PAG1: variants seen among roughly 807,000 people sequenced by gnomAD.
The protein encoded by PAG1 is phosphoprotein membrane anchor with glycosphingolipid microdomains 1, also known as phosphoprotein associated with glycosphingolipid-enriched microdomains 1.
A neutral mutation model predicts 31.7 loss-of-function variants in PAG1; 23 were observed. The ratio of observed to expected loss-of-function variants is 0.73; its 90% CI spans 0.52 to 1.03. The LOEUF is 1.03. PAG1 is among the 50% of genes least tolerant of loss of function. The pLI, the probability that PAG1 is intolerant of heterozygous loss-of-function variation, is 0.00. For missense variants in PAG1, 473 were observed against 540.7 expected (o/e 0.87, Z 1.24); for synonymous variants, 214 against 210.3 (o/e 1.02, Z -0.15).
intron 1 of PAG1, among the ~76,000 whole-genome samples, chr8:81,076,347 C>T (rs1809177313): frequency 6.6e-6 from 1 of 152,162 alleles, no homozygotes; most frequent in Non-Finnish European, 1.5e-5. Context: ...AGCTCTGCCT[C>T]CTTTGCTTCC....
chr8:81,026,957 G>GT (rs1434062980), intron 3 of PAG1, among the ~76,000 whole-genome samples: 1 of 152,144 alleles, frequency 6.6e-6, no homozygotes, highest in Non-Finnish European at 1.5e-5. Context: ...AGCCTTGGTG[G>GT]TTTTTTCTTG....
intron 1 of PAG1, among the ~76,000 whole-genome samples, chr8:81,074,007 C>T (rs1009462409): frequency 1.3e-5 from 2 of 152,192 alleles, no homozygotes; most frequent in Non-Finnish European, 2.9e-5. Flanking sequence ...TGCTTCCACA[C>T]CCACTGAGGG....
chr8:81,038,853 A>C (rs1014633476), intron 2 of PAG1, among the ~76,000 whole-genome samples: 4 of 152,214 alleles, frequency 2.6e-5, no homozygotes, highest in Admixed American at 1.3e-4. Context: ...AAGGAAAGTA[A>C]CTACTAAATG....
At chr8:81,037,606 A>G (rs894638260) in intron 2 of PAG1, among the ~76,000 whole-genome samples, 1 of 152,378 alleles carries the variant, frequency 6.6e-6, no homozygotes, top group South Asian at 2.1e-4. Flanking sequence ...ACAAAGTAAG[A>G]TTAGATTCAG....
chr8:81,005,517 C>A (rs542142933), intron 3 of PAG1, among the ~76,000 whole-genome samples: 11 of 152,266 alleles, frequency 7.2e-5, no homozygotes, highest in African/African-American at 2.4e-4. Context: ...GGTTCTTGTT[C>A]ATTTCAAAGG....
chr8:81,048,929 T>A (rs1808684030), intron 2 of PAG1, among the ~76,000 whole-genome samples: 1 of 152,190 alleles, frequency 6.6e-6, no homozygotes, highest in African/African-American at 2.4e-5. Flanking sequence ...CATCATCAAT[T>A]AAGGACATAC....
rs1009083498 is a variant in PAG1, at chr8:81,094,874, T to C, written c.-234+16717A>G. Among the ~76,000 whole-genome samples the C allele has an allele frequency of 2.9e-4, 44 of 152,218 alleles. 2 individuals are homozygous for C. Among genetic ancestry groups the C allele is most frequent in the African/African-American group, 1.0e-3 (43 of 41,452 alleles). On this transcript the variant is annotated intron_variant, in intron 1 of 8. Coordinates refer to ENST00000220597, the MANE Select transcript of PAG1 (RefSeq NM_018440.4). ...TCTCTATGAAAAGAAGCACATTGCT[T>C]TGCCAGCCATAACATGCACCAGCTG...
chr8:81,062,527 C>A (rs1412435205), intron 2 of PAG1, among the ~76,000 whole-genome samples: 3 of 152,178 alleles, frequency 2.0e-5, no homozygotes, highest in African/African-American at 7.2e-5. Flanking sequence ...CCAGCTATCC[C>A]ATTATCAGAT....
intron 1 of PAG1, among the ~76,000 whole-genome samples, chr8:81,111,295 AAC>A (rs1396413762): frequency 6.6e-6 from 1 of 152,138 alleles, no homozygotes; most frequent in Non-Finnish European, 1.5e-5. Context: ...CCCCAACGTA[AAC>A]ACAGAGTCAA....
chr8:80,991,560 CA>C, intron 4 of PAG1, 30 bp from the exon 5 acceptor site: 1 of 1,545,680 alleles, frequency 6.5e-7, no homozygotes, highest in Non-Finnish European at 8.9e-7. Flanking sequence ...GTTGTAATGT[CA>C]AATGTGCCCC....
intron 2 of PAG1, among the ~76,000 whole-genome samples, chr8:81,057,756 T>C (rs1016068926): frequency 6.6e-6 from 1 of 152,188 alleles, no homozygotes; most frequent in Non-Finnish European, 1.5e-5. Flanking sequence ...TTATTAAATT[T>C]TTGAGAAATG....
chr8:80,975,984 G>A lies in PAG1; in HGVS notation c.*560C>T, dbSNP rs1807170250. 1 of 152,816 alleles carries A rather than the reference G, an allele frequency of 6.5e-6. No homozygotes were observed. The highest frequency in any genetic ancestry group is 1.5e-5 in the Non-Finnish European group (1 of 68,614). The allele number at this position is 152,816 out of a possible 1,614,324, so 9.5% of individuals were successfully genotyped here. A position where few individuals can be genotyped will look rare whatever the true frequency, so the allele number is the denominator to read the frequency against. On this transcript the variant is annotated 3_prime_UTR_variant, in exon 9 of 9. Coordinates refer to ENST00000220597, the MANE Select transcript of PAG1 (RefSeq NM_018440.4). ...CTCTTTGGGGAGGACTGGCGAGCTGGGCAGAAAGCAGCAGCCATGGTTTGT... is the reference window on the plus strand; with the variant it reads ...CTCTTTGGGGAGGACTGGCGAGCTGAGCAGAAAGCAGCAGCCATGGTTTGT...
intron 2 of PAG1, among the ~76,000 whole-genome samples, chr8:81,068,244 G>A (rs1362137871): frequency 6.6e-6 from 1 of 152,172 alleles, no homozygotes; most frequent in East Asian, 1.9e-4. Flanking sequence ...ATGGAAGTTT[G>A]AAATACATTT....
chr8:81,046,213 T>G (rs1391271260), intron 2 of PAG1, among the ~76,000 whole-genome samples: 1 of 152,232 alleles, frequency 6.6e-6, no homozygotes, highest in East Asian at 1.9e-4. Flanking sequence ...CAATGACCTC[T>G]GTGCAAGGCA....
At chr8:81,068,897 A>G (rs1189028817) in intron 2 of PAG1, among the ~76,000 whole-genome samples, 1 of 152,234 alleles carries the variant, frequency 6.6e-6, no homozygotes, top group African/African-American at 2.4e-5. Flanking sequence ...ATTACCCCCA[A>G]CCGGAAAATG....
intron 3 of PAG1, among the ~76,000 whole-genome samples, chr8:81,012,608 A>G (rs1395592763): frequency 6.6e-6 from 1 of 152,244 alleles, no homozygotes; most frequent in Non-Finnish European, 1.5e-5. Context: ...ATCTTCCTGC[A>G]TTCAAAGCAG....
intron 2 of PAG1, among the ~76,000 whole-genome samples, chr8:81,047,462 T>C (rs1037800119): frequency 6.6e-6 from 1 of 152,156 alleles, no homozygotes; most frequent in Admixed American, 6.5e-5. Context: ...CTTTTTTTCA[T>C]ATGTTTGTTG....
rs1809779323 is a variant in PAG1 at position 81,111,801 on chromosome 8, G to GTCCT, written c.-445_-444insAGGA. 1 of 152,288 alleles carries GTCCT rather than the reference G, an allele frequency of 6.6e-6. No individual in the cohort carries two copies. The highest frequency in any genetic ancestry group is 2.4e-5 in the African/African-American group (1 of 41,460). 9.4% of individuals were successfully genotyped at this position (152,288 alleles called of 1,614,324 possible). ...ACACGACTCAGCGAGGCGGCGGCTG[G>GTCCT]GACTGAGGCTACTGCACCCGGCCGC... On this transcript the variant is annotated 5_prime_UTR_variant, in exon 1 of 9. Transcript: ENST00000220597.
chr8:81,092,467 T>A (rs1031810945), intron 1 of PAG1, among the ~76,000 whole-genome samples: 1 of 152,222 alleles, frequency 6.6e-6, no homozygotes, highest in African/African-American at 2.4e-5. Flanking sequence ...TTATTCTGAA[T>A]ATAATTTGAT....
Sources: gnomAD v4.1 joint callset for allele counts (sites outside exome capture counted in the v4.1 genomes callset) on GRCh38, gnomAD v4.1.1 for gene constraint, MANE v1.5 for transcripts, NCBI Gene and HGNC (gene_info 2026-07-23, HGNC 2026-07-21) for gene names.